The following RFX2 variants were observed in gnomAD, a reference collection of about 807,000 sequenced individuals.
RFX2 encodes DNA-binding protein RFX2.
Under a neutral mutation model 87.8 loss-of-function variants are expected in RFX2, and 20 were observed. The observed-to-expected ratio is 0.23, with a 90% CI of 0.16 to 0.33. RFX2 has a LOEUF of 0.33. Among genes scored for constraint, RFX2 ranks in the 10% least tolerant of loss-of-function variants. The probability of loss-of-function intolerance (pLI) is 1.00; values close to 1 mark genes in which losing one functional copy is unlikely to be tolerated. For synonymous variants in RFX2, 397 were observed against 431.3 expected (o/e 0.92, Z 0.98); for missense variants, 767 against 1,012.3 (o/e 0.76, Z 3.29).
At chr19:6,088,431 G>A (rs2087887839) in intron 1 of RFX2, among the ~76,000 whole-genome samples, 2 of 151,966 alleles carry the variant, frequency 1.3e-5, no homozygotes, top group African/African-American at 4.8e-5. Flanking sequence ...GACTGGTCTC[G>A]AACTCTCGAC....
rs1180157930 is a variant in RFX2 at position 6,039,391 on chromosome 19, T to G, written c.522+589A>C. On this transcript the variant is annotated intron_variant, in intron 5 of 17. Transcript: ENST00000303657. This position sits in a 1 kb window ranked among gnomAD's most constrained non-coding sequence, Gnocchi z 5.2. ...TCTGTGACCTGATTATACACAAATC[T>G]ACCCATGTCAAAACTCACAAGGCTG... is the stretch of plus-strand genomic sequence containing the variant. 6.6e-6 allele frequency among the ~76,000 whole-genome samples: 1 copy of G among 152,254 alleles called. No homozygotes were observed. The highest frequency in any genetic ancestry group is 1.5e-5 in the Non-Finnish European group (1 of 68,042).
Position 6,004,278 on chromosome 19 carries a change from G to A in RFX2, c.1423C>T (p.Arg475Cys), listed in dbSNP as rs761961154. The change falls in exon 13 of 18, where the codon CGT becomes TGT. Residue 475 changes from arginine to cysteine, a missense_variant. Transcript: ENST00000303657. This position sits in a 1 kb window ranked among gnomAD's most constrained non-coding sequence, Gnocchi z 4.8. ...PVPSTLTQAI[R>C]NFAKSLEGWL... is the part of the protein sequence containing the mutation. ...CCTTCCAAGCTCTTGGCAAAGTTAC[G>A]GATGGCCTGTGTCAAGGTACCTGGG... 2.5e-6 allele frequency: 4 copies of A among 1,613,792 alleles called. No individual in the cohort carries two copies. Among genetic ancestry groups the A allele is most frequent in the South Asian group, 2.2e-5 (2 of 91,078 alleles).
Position 6,004,405 on chromosome 19 carries a change from A to G in RFX2, c.1403-107T>C. 1 of 914,556 alleles carries G rather than the reference A, an allele frequency of 1.1e-6. No individual in the cohort carries two copies. Among genetic ancestry groups the G allele is most frequent in the East Asian group, 2.5e-5 (1 of 40,260 alleles). 56.7% of individuals were successfully genotyped at this position (914,556 alleles called of 1,614,324 possible). On this transcript the variant is annotated intron_variant, in intron 12 of 17. Coordinates refer to ENST00000303657, the MANE Select transcript of RFX2 (RefSeq NM_000635.4). This position sits in a 1 kb window ranked among gnomAD's most constrained non-coding sequence, Gnocchi z 4.8. ...CCCAAGTGCGATGAAAATGACCACC[A>G]TGAAGAACGAGCCACACAGGCGACG...
rs1284617233 is a variant in RFX2 at position 6,017,199 on chromosome 19, C to T, written c.598-928G>A. Among the ~76,000 whole-genome samples, 1 of 152,212 alleles carries T rather than the reference C, an allele frequency of 6.6e-6. No homozygotes were observed. Among genetic ancestry groups the T allele is most frequent in the East Asian group, 1.9e-4 (1 of 5,206 alleles). On this transcript the variant is annotated intron_variant, in intron 6 of 17. Transcript: ENST00000303657. The surrounding 1 kb of genome is among the most constrained non-coding windows in gnomAD (Gnocchi z 4.1). ...AGCTAGGGTCGCGCCACACTGTACT[C>T]CAGCCTGGGCGACAGGGCAAGACTT...
intron 7 of RFX2, among the ~76,000 whole-genome samples, chr19:6,015,763 A>G (rs2086718102): frequency 6.6e-6 from 1 of 151,992 alleles, no homozygotes; most frequent in Admixed American, 6.6e-5. Context: ...GGCCTCCCAA[A>G]CTGTTGGGAT....
At position 6,004,147 on chromosome 19, in the gene RFX2, A is replaced by G. The variant is rs964862242; in HGVS notation, c.1500+54T>C. On this transcript the variant is annotated intron_variant, in intron 13 of 17. Coordinates refer to ENST00000303657, the MANE Select transcript of RFX2 (RefSeq NM_000635.4). The surrounding 1 kb of genome is among the most constrained non-coding windows in gnomAD (Gnocchi z 4.8). ...CACAGTGGTCCTCATGCTGTCCTGG[A>G]CTGGAGCCCCTCCCAGCCATCGTTG... The G allele has an allele frequency of 5.6e-5, 74 of 1,333,128 alleles. No individual in the cohort carries two copies. The highest frequency in any genetic ancestry group is 3.5e-5 in the South Asian group (3 of 85,292). The allele number at this position is 1,333,128 out of a possible 1,614,324, so 82.6% of individuals were successfully genotyped here. A position where few individuals can be genotyped will look rare whatever the true frequency, so the allele number is the denominator to read the frequency against.
At chr19:6,079,884 C>CA (rs1160044956) in intron 1 of RFX2, among the ~76,000 whole-genome samples, 4,161 of 76,436 alleles carry the variant, frequency 0.054, 200 homozygotes, top group African/African-American at 0.13. Context: ...GACTCTGTCT[C>CA]AAAAAAAAAA....
chr19:6,029,314 T>C (rs1019612330), intron 5 of RFX2, among the ~76,000 whole-genome samples: 8 of 150,518 alleles, frequency 5.3e-5, no homozygotes, highest in Admixed American at 5.3e-4. Context: ...GGACTATCTC[T>C]GAGAAAATCG....
chr19:6,044,374 G>T lies in RFX2; in HGVS notation c.91-92C>A. 1.2e-6 allele frequency: 1 copy of T among 850,138 alleles called. No homozygotes were observed. The highest frequency in any genetic ancestry group is 1.7e-6 in the Non-Finnish European group (1 of 589,978). The allele number at this position is 850,138 out of a possible 1,614,324, so 52.7% of individuals were successfully genotyped here. A position where few individuals can be genotyped will look rare whatever the true frequency, so the allele number is the denominator to read the frequency against. ...TGTAAGATGCTGTTTGTCTGTTCAT[G>T]TGCTTTTTATTAAAACATAGGCAGG... On this transcript the variant is annotated intron_variant, in intron 2 of 17. Coordinates refer to ENST00000303657, the MANE Select transcript of RFX2 (RefSeq NM_000635.4). The surrounding 1 kb of genome is among the most constrained non-coding windows in gnomAD (Gnocchi z 5.3).
Position 6,044,229 on chromosome 19 carries a change from C to T in RFX2, c.144G>A (p.Pro48=), listed in dbSNP as rs1005933522. The T allele has an allele frequency of 9.5e-6, 15 of 1,579,294 alleles. No individual in the cohort carries two copies. The highest frequency in any genetic ancestry group is 1.7e-4 in the Middle Eastern group (1 of 5,986). ...CCTGCTGAACTCTGGGGAGGGAGATCGGCTGCATCTGGGCCCCTTTGGGAT... is the reference window on the plus strand; with the variant it reads ...CCTGCTGAACTCTGGGGAGGGAGATTGGCTGCATCTGGGCCCCTTTGGGAT... The part of the protein sequence containing the change: ...SSNPKGAQMQ[P]ISLPRVQQVP... The change falls in exon 3 of 18, where the codon CCG becomes CCA. Residue 48 remains proline, a synonymous_variant. Coordinates refer to ENST00000303657, the MANE Select transcript of RFX2 (RefSeq NM_000635.4). The surrounding 1 kb of genome is among the most constrained non-coding windows in gnomAD (Gnocchi z 5.3).
rs1395868765 is a variant in RFX2, at chr19:6,083,767, T to A, written c.-9+26626A>T. Reference sequence around the variant, plus strand: ...TTTAATTTTTTGTACAGATGGGGTCTCACCATCTTGCCCAGGCTGTGACCC... The same window carrying A: ...TTTAATTTTTTGTACAGATGGGGTCACACCATCTTGCCCAGGCTGTGACCC... On this transcript the variant is annotated intron_variant, in intron 1 of 17. Coordinates refer to ENST00000303657, the MANE Select transcript of RFX2 (RefSeq NM_000635.4). This position sits in a 1 kb window ranked among gnomAD's most constrained non-coding sequence, Gnocchi z 4.6. Among the ~76,000 whole-genome samples, 1 of 152,060 alleles carries A rather than the reference T, an allele frequency of 6.6e-6. No individual in the cohort carries two copies. The highest frequency in any genetic ancestry group is 1.5e-5 in the Non-Finnish European group (1 of 68,018).
rs775700109 is a variant in RFX2 at position 6,010,266 on chromosome 19, C to T, written c.900-15G>A. 9.9e-6 allele frequency: 15 copies of T among 1,519,782 alleles called. 1 individual carries two copies. Among genetic ancestry groups the T allele is most frequent in the South Asian group, 3.6e-5 (3 of 83,448 alleles). 94.1% of individuals were successfully genotyped at this position (1,519,782 alleles called of 1,614,324 possible). A position where few individuals can be genotyped will look rare whatever the true frequency, so the allele number is the denominator to read the frequency against. ...CTGGCCGGTACCTAGGCCAGGAACACGCATACCATCATGAGGCCCAGCAGC... is the reference window on the plus strand; with the variant it reads ...CTGGCCGGTACCTAGGCCAGGAACATGCATACCATCATGAGGCCCAGCAGC... On this transcript the variant is annotated splice_polypyrimidine_tract_variant and intron_variant, in intron 8 of 17. Coordinates refer to ENST00000303657, the MANE Select transcript of RFX2 (RefSeq NM_000635.4). This position sits in a 1 kb window ranked among gnomAD's most constrained non-coding sequence, Gnocchi z 5.0.
chr19:6,037,404 C>T (rs927363332), intron 5 of RFX2, among the ~76,000 whole-genome samples: 1 of 151,820 alleles, frequency 6.6e-6, no homozygotes, highest in Non-Finnish European at 1.5e-5. Flanking sequence ...ATTTAAAGAT[C>T]AATGCCAAGA....
At chr19:5,995,000 G>A in intron 17 of RFX2, 50 bp from the exon 18 acceptor site, 1 of 1,418,868 alleles carries the variant, frequency 7.0e-7, no homozygotes, top group Non-Finnish European at 9.8e-7. Flanking sequence ...GGGCACGAGA[G>A]GGAGAGAAGG....
rs911193718 is a variant in RFX2, at chr19:6,044,605, C to T, written c.91-323G>A. On this transcript the variant is annotated intron_variant, in intron 2 of 17. Coordinates refer to ENST00000303657, the MANE Select transcript of RFX2 (RefSeq NM_000635.4). The surrounding 1 kb of genome is among the most constrained non-coding windows in gnomAD (Gnocchi z 5.3). The stretch of plus-strand genomic sequence containing the variant: ...ACACACATACACGGAAGCACATGCA[C>T]CTTCACCCGCCCAGGCAGCTTTGCC... 6.6e-6 allele frequency among the ~76,000 whole-genome samples: 1 copy of T among 152,204 alleles called. No homozygotes were observed. Among genetic ancestry groups the T allele is most frequent in the Non-Finnish European group, 1.5e-5 (1 of 68,044 alleles).
Position 6,103,937 on chromosome 19 carries a change from C to T in RFX2, c.-9+6456G>A, listed in dbSNP as rs1410405147. On this transcript the variant is annotated intron_variant, in intron 1 of 17. Coordinates refer to ENST00000303657, the MANE Select transcript of RFX2 (RefSeq NM_000635.4). ...ATCCTAATAATAATAATAATAACAA[C>T]AGTTACTTTTTTCTGAGCACCTATT... 2.6e-5 allele frequency among the ~76,000 whole-genome samples: 4 copies of T among 152,120 alleles called. No individual in the cohort carries two copies. In the South Asian group the frequency reaches 6.2e-4, roughly 24 times the overall value.
In RFX2 at chr19:6,020,606, G is replaced by A. The variant is rs1221461478; in HGVS notation, c.598-4335C>T. ...CCCACACCTGGCGGCACGTCAGACT[G>A]CGGCAAGCATCACAGGTCAGTTCCG... On this transcript the variant is annotated intron_variant, in intron 6 of 17. Coordinates refer to ENST00000303657, the MANE Select transcript of RFX2 (RefSeq NM_000635.4). This position sits in a 1 kb window ranked among gnomAD's most constrained non-coding sequence, Gnocchi z 5.3. Among the ~76,000 whole-genome samples the A allele has an allele frequency of 6.6e-6, 1 of 152,220 alleles. No homozygotes were observed. The highest frequency in any genetic ancestry group is 1.5e-5 in the Non-Finnish European group (1 of 68,044).
In RFX2 at chr19:6,020,883, C is replaced by T. The variant is rs185051880; in HGVS notation, c.598-4612G>A. On this transcript the variant is annotated intron_variant, in intron 6 of 17. Transcript: ENST00000303657. This position sits in a 1 kb window ranked among gnomAD's most constrained non-coding sequence, Gnocchi z 5.3. ...CCACATTTGCCACAATCTGTCAGGA[C>T]AGCACACTTCTTGATGAAATGGATC... Among the ~76,000 whole-genome samples the T allele has an allele frequency of 6.6e-6, 1 of 152,340 alleles. No homozygotes were observed. The highest frequency in any genetic ancestry group is 1.5e-5 in the Non-Finnish European group (1 of 68,024).
Position 5,993,520 on chromosome 19 carries a change from T to C in RFX2, c.*1315A>G, listed in dbSNP as rs1262640314. 6.6e-6 allele frequency: 1 copy of C among 152,252 alleles called. No homozygotes were observed. The highest frequency in any genetic ancestry group is 2.4e-5 in the African/African-American group (1 of 41,462). The allele number at this position is 152,252 out of a possible 1,614,324, so 9.4% of individuals were successfully genotyped here. ...ACAAAACATTTGGGACTGAATATAC[T>C]GCAATGTACACATTCATAAGAAACG... On this transcript the variant is annotated 3_prime_UTR_variant, in exon 18 of 18. Coordinates refer to ENST00000303657, the MANE Select transcript of RFX2 (RefSeq NM_000635.4).
Sources: gnomAD v4.1 joint callset for allele counts (sites outside exome capture counted in the v4.1 genomes callset) on GRCh38, gnomAD v4.1.1 for gene constraint, Gnocchi (gnomAD v3.1) non-coding constraint, MANE v1.5 for transcripts, NCBI Gene and HGNC (gene_info 2026-07-23, HGNC 2026-07-21) for gene names.